ATP2B1: variants seen among roughly 807,000 people sequenced by gnomAD.
The protein encoded by ATP2B1 is ATPase plasma membrane Ca2+ transporting 1.
ATP2B1 carries 14 observed loss-of-function variants against 124.2 expected under a neutral mutation model. That is an observed-to-expected ratio of 0.11 (90% CI 0.07 to 0.18). ATP2B1 has a LOEUF of 0.18. Ranked by LOEUF, ATP2B1 falls within the 10% of genes least tolerant of loss-of-function variation. The pLI is 1.00. For synonymous variants in ATP2B1, 449 were observed against 492.4 expected, an observed-to-expected ratio of 0.91 and a Z score of 1.17; for missense variants, 763 against 1,466.1, an observed-to-expected ratio of 0.52 and a Z score of 7.83.
intron 15 of ATP2B1, among the ~76,000 whole-genome samples, chr12:89,607,597 T>C (rs1394011223): frequency 2.0e-5 from 3 of 152,210 alleles, no homozygotes. Context: ...ACCTTAGGTT[T>C]TACTACCATA....
intron 1 of ATP2B1, among the ~76,000 whole-genome samples, chr12:89,669,190 A>C (rs1775695323): frequency 6.6e-6 from 1 of 152,140 alleles, no homozygotes; most frequent in Non-Finnish European, 1.5e-5. Context: ...ATTAAACTGT[A>C]AGCTGAGGGC....
At chr12:89,695,143 A>C (rs190783912) in intron 1 of ATP2B1, among the ~76,000 whole-genome samples, 254 of 152,246 alleles carry the variant, frequency 1.7e-3, no homozygotes, top group African/African-American at 5.8e-3. Flanking sequence ...AGCAGATTCT[A>C]GAACGCTTTT....
At position 89,590,270 on chromosome 12, in the gene ATP2B1, GTTTTT is replaced by G. The variant is rs934915797; in HGVS notation, c.*709_*713del. On this transcript the variant is annotated 3_prime_UTR_variant, in exon 21 of 21. Transcript: ENST00000428670. ...ACTTCATTAGAACACCACTGCTCAT[GTTTTT>G]TTGTTTTGTTTTGTTTTTTTCGTTT... 6.6e-6 allele frequency: 1 copy of G among 152,210 alleles called. No homozygotes were observed. The highest frequency in any genetic ancestry group is 1.5e-5 in the Non-Finnish European group (1 of 67,906). 9.4% of individuals were successfully genotyped at this position (152,210 alleles called of 1,614,324 possible). A position where few individuals can be genotyped will look rare whatever the true frequency, so the allele number is the denominator to read the frequency against.
chr12:89,643,229 CGTATATATAT>C (rs1565862062), intron 2 of ATP2B1, among the ~76,000 whole-genome samples: 1 of 148,890 alleles, frequency 6.7e-6, no homozygotes, highest in African/African-American at 2.5e-5. Context: ...TATGTATATA[CGTATATATAT>C]GTATATATAC....
At chr12:89,693,951 T>C (rs1890829448) in intron 1 of ATP2B1, among the ~76,000 whole-genome samples, 1 of 152,298 alleles carries the variant, frequency 6.6e-6, no homozygotes, top group African/African-American at 2.4e-5. Flanking sequence ...TCCATTCTTC[T>C]TCTATTTCTG....
At chr12:89,604,908 G>T (rs1876544878) in intron 15 of ATP2B1, among the ~76,000 whole-genome samples, 1 of 151,676 alleles carries the variant, frequency 6.6e-6, no homozygotes, top group African/African-American at 2.4e-5. Flanking sequence ...GGAAGTAGGG[G>T]TGAAGGTAGG....
chr12:89,706,250 T>C (rs1444171138), intron 1 of ATP2B1, among the ~76,000 whole-genome samples: 1 of 152,152 alleles, frequency 6.6e-6, no homozygotes, highest in Non-Finnish European at 1.5e-5. Flanking sequence ...TGTTCATCTA[T>C]ATTATTTAAG....
intron 1 of ATP2B1, among the ~76,000 whole-genome samples, chr12:89,671,990 A>G (rs947738648): frequency 4.6e-5 from 7 of 152,144 alleles, no homozygotes; most frequent in African/African-American, 4.8e-5. Flanking sequence ...CCTTTACCCC[A>G]AGAGAGGAGA....
intron 1 of ATP2B1, among the ~76,000 whole-genome samples, chr12:89,695,005 C>T (rs1482444010): frequency 1.4e-5 from 2 of 143,660 alleles, no homozygotes; most frequent in African/African-American, 5.1e-5. Flanking sequence ...CTGCAGTGAG[C>T]CATGATCGTG....
At chr12:89,677,559 G>A (rs1177251879) in intron 1 of ATP2B1, among the ~76,000 whole-genome samples, 1 of 151,990 alleles carries the variant, frequency 6.6e-6, no homozygotes, top group South Asian at 2.1e-4. Flanking sequence ...ACCCTTCTCT[G>A]CATCCTCCTC....
chr12:89,707,066 G>A (rs1445097593), intron 1 of ATP2B1, among the ~76,000 whole-genome samples: 1 of 152,080 alleles, frequency 6.6e-6, no homozygotes, highest in Non-Finnish European at 1.5e-5. Flanking sequence ...TCACCAGGAG[G>A]ATAAAGAAAA....
At chr12:89,630,152 A>C (rs1881613975) in intron 6 of ATP2B1, among the ~76,000 whole-genome samples, 2 of 152,250 alleles carry the variant, frequency 1.3e-5, no homozygotes, top group Admixed American at 1.3e-4. Flanking sequence ...AAGAAAGCTC[A>C]GTGAAACCAA....
intron 19 of ATP2B1, among the ~76,000 whole-genome samples, chr12:89,600,648 ATT>A (rs397850977): frequency 5.4e-4 from 75 of 139,922 alleles, no homozygotes; most frequent in South Asian, 3.4e-3. Flanking sequence ...ATGACAATGT[ATT>A]TTTTTTTTTT....
rs188209926 is a variant in ATP2B1 at position 89,643,126 on chromosome 12, G to A, written c.209-771C>T. Among the ~76,000 whole-genome samples the A allele has an allele frequency of 1.8e-4, 26 of 140,808 alleles. No homozygotes were observed. In the East Asian group the frequency reaches 4.4e-3, roughly 24 times the overall value. The allele number at this position is 140,808 out of a possible 152,430, so 92.4% of individuals were successfully genotyped here. ...TACGTATATATATACGTATATACAC[G>A]TATATATGTATATACACGTGTATAT... On this transcript the variant is annotated intron_variant, in intron 2 of 20. Transcript: ENST00000428670.
chr12:89,662,287 C>A lies in ATP2B1; in HGVS notation c.-221-6180G>T, dbSNP rs574083070. On this transcript the variant is annotated intron_variant, in intron 1 of 20. Transcript: ENST00000428670. Reference sequence around the variant, plus strand: ...CACACCCTAAAAATCTGAAGTCCTTCAACCATGATAATTTACTGTAAACTT... The same window carrying A: ...CACACCCTAAAAATCTGAAGTCCTTAAACCATGATAATTTACTGTAAACTT... Among the ~76,000 whole-genome samples the A allele has an allele frequency of 2.0e-5, 3 of 152,202 alleles. No homozygotes were observed. The East Asian group carries it at 5.8e-4, about 29-fold the overall frequency.
intron 1 of ATP2B1, among the ~76,000 whole-genome samples, chr12:89,701,386 A>G (rs570915027): frequency 4.2e-4 from 64 of 152,316 alleles, no homozygotes; most frequent in Non-Finnish European, 7.2e-4. Flanking sequence ...AAAAGAACTG[A>G]GATAAGATAT....
At chr12:89,609,027 G>GTA (rs1356796575) in intron 15 of ATP2B1, among the ~76,000 whole-genome samples, 2 of 152,066 alleles carry the variant, frequency 1.3e-5, no homozygotes, top group African/African-American at 2.4e-5. Flanking sequence ...TGCCACCATG[G>GTA]TAGATCTTCT....
chr12:89,637,541 G>T (rs1882894117), intron 3 of ATP2B1, among the ~76,000 whole-genome samples: 2 of 151,694 alleles, frequency 1.3e-5, no homozygotes, highest in African/African-American at 4.8e-5. Context: ...TAGACCACAA[G>T]GCGCATGCCA....
intron 12 of ATP2B1, among the ~76,000 whole-genome samples, chr12:89,615,668 G>A (rs1407196361): frequency 6.6e-6 from 1 of 152,016 alleles, no homozygotes; most frequent in African/African-American, 2.4e-5. Context: ...CTCTTTCTTG[G>A]TTTAGATAAT....
Sources: allele counts gnomAD v4.1 joint callset (sites outside exome capture counted in the v4.1 genomes callset), GRCh38; gene constraint gnomAD v4.1.1; transcripts MANE v1.5; gene names NCBI Gene and HGNC (gene_info 2026-07-23, HGNC 2026-07-21).